RERE: variants seen among roughly 807,000 people sequenced by gnomAD.
RERE encodes the protein arginine-glutamic acid dipeptide repeats.
A neutral mutation model predicts 146.1 loss-of-function variants in RERE; 40 were observed. That is an observed-to-expected ratio of 0.27 (90% CI 0.21 to 0.36). The LOEUF (loss-of-function observed/expected upper bound fraction) is 0.36. Ranked by LOEUF, RERE falls within the 10% of genes least tolerant of loss-of-function variation. The pLI is 1.00. For missense variants in RERE, 1,933 were observed against 2,138.7 expected (o/e 0.90, Z 1.90); for synonymous variants, 1,003 against 866.0 (o/e 1.16, Z -2.78).
chr1:8,395,800 A>C (rs1643035430), intron 12 of RERE, among the ~76,000 whole-genome samples: 1 of 152,188 alleles, frequency 6.6e-6, no homozygotes, highest in Admixed American at 6.5e-5. Flanking sequence ...GAAGGCCTGC[A>C]GTGGGGGCAC....
chr1:8,385,994 ATAT>A (rs1481814650), intron 12 of RERE, among the ~76,000 whole-genome samples: 78 of 22,156 alleles, frequency 3.5e-3, no homozygotes, highest in East Asian at 0.014. Flanking sequence ...AAAAAAAAAA[ATAT>A]ATATATATAT....
At chr1:8,421,017 CACTA>C (rs1643902912) in intron 12 of RERE, among the ~76,000 whole-genome samples, 1 of 152,218 alleles carries the variant, frequency 6.6e-6, no homozygotes, top group African/African-American at 2.4e-5. Context: ...GGAGATAAAA[CACTA>C]AGTAAAATTA....
chr1:8,423,967 C>G lies in RERE; in HGVS notation c.1204-1160G>C, dbSNP rs1570208351. On this transcript the variant is annotated intron_variant, in intron 11 of 22. Transcript: ENST00000400908. This position sits in a 1 kb window ranked among gnomAD's most constrained non-coding sequence, Gnocchi z 5.4. ...GGCGCTGGAATCTGTGTCCTCCTTCCGGACAGGAGAACATCAAGGCGGTAA... is the reference window on the plus strand; with the variant it reads ...GGCGCTGGAATCTGTGTCCTCCTTCGGGACAGGAGAACATCAAGGCGGTAA... 6.6e-6 allele frequency: 1 copy of G among 151,690 alleles called. No individual in the cohort carries two copies. The highest frequency in any genetic ancestry group is 1.5e-5 in the Non-Finnish European group (1 of 67,862). 9.4% of individuals were successfully genotyped at this position (151,690 alleles called of 1,614,324 possible).
chr1:8,495,311 T>TA, intron 9 of RERE, 149 bp from the exon 10 acceptor site: 2 of 495,834 alleles, frequency 4.0e-6, no homozygotes, highest in Non-Finnish European at 7.3e-6. Flanking sequence ...CCTCTGCTCC[T>TA]ATTTTTTTTT....
intron 4 of RERE, among the ~76,000 whole-genome samples, chr1:8,586,763 T>C (rs1273536448): frequency 6.7e-6 from 1 of 149,620 alleles, no homozygotes; most frequent in East Asian, 2.0e-4. Context: ...AAAGACAAAA[T>C]AGCATCCAAA....
chr1:8,390,091 C>G (rs1309695196), intron 12 of RERE, among the ~76,000 whole-genome samples: 4 of 152,098 alleles, frequency 2.6e-5, no homozygotes. Flanking sequence ...AAAGGAAAAC[C>G]AATACCAGAC....
At position 8,371,962 on chromosome 1, in the gene RERE, T is replaced by C. The variant is rs145441014; in HGVS notation, c.1285-5988A>G. Among the ~76,000 whole-genome samples the C allele has an allele frequency of 5.1e-3, 772 of 152,334 alleles. 2 individuals are homozygous for C. The highest frequency in any genetic ancestry group is 0.01 in the Middle Eastern group (3 of 294). ...TCCCAGGCTTTCCAACAGGCCAACT[T>C]ACCTGTGCGCATTTGGTAAACTAAA... On this transcript the variant is annotated intron_variant, in intron 12 of 22. Coordinates refer to ENST00000400908, the MANE Select transcript of RERE (RefSeq NM_001042681.2).
chr1:8,786,485 C>A, intron 1 of RERE: 1 of 855,820 alleles, frequency 1.2e-6, no homozygotes, highest in Admixed American at 1.7e-5. Flanking sequence ...TAGATTAGTT[C>A]ATTTACTGAC....
intron 6 of RERE, among the ~76,000 whole-genome samples, chr1:8,545,383 C>T (rs1158421139): frequency 6.6e-6 from 1 of 152,128 alleles, no homozygotes. Context: ...TTCTGGCTAC[C>T]AAGAGGAGGT....
In RERE at chr1:8,702,563, G is replaced by GAA. The variant is rs1252645759; in HGVS notation, c.-144-46124_-144-46123dup. On this transcript the variant is annotated intron_variant, in intron 1 of 22. Transcript: ENST00000400908. ...AAATAACAGTAGTTCGGTCCAAGAA[G>GAA]AAAATTTCATTTGTCACTTAAGTAG... Among the ~76,000 whole-genome samples the GAA allele has an allele frequency of 9.9e-5, 15 of 152,226 alleles. No individual in the cohort carries two copies. In the East Asian group the frequency reaches 2.9e-3, roughly 29 times the overall value.
intron 1 of RERE, among the ~76,000 whole-genome samples, chr1:8,708,464 A>T (rs1402579591): frequency 3.3e-5 from 5 of 151,994 alleles, no homozygotes; most frequent in Non-Finnish European, 7.4e-5. Context: ...GTAGCTGGGG[A>T]CTACAGGTGT....
At chr1:8,410,893 C>A (rs1643596730) in intron 12 of RERE, among the ~76,000 whole-genome samples, 1 of 152,198 alleles carries the variant, frequency 6.6e-6, no homozygotes, top group Admixed American at 6.5e-5. Flanking sequence ...TTTTTCTCCC[C>A]ATGCTCAATA....
intron 1 of RERE, among the ~76,000 whole-genome samples, chr1:8,728,302 C>A (rs1640011914): frequency 6.6e-6 from 1 of 152,180 alleles, no homozygotes. Flanking sequence ...CTATAACACA[C>A]CATAACTTGA....
intron 6 of RERE, among the ~76,000 whole-genome samples, chr1:8,553,017 A>G (rs1389866708): frequency 1.3e-5 from 2 of 150,730 alleles, no homozygotes; most frequent in Non-Finnish European, 3.0e-5. Context: ...TGTGTGCAAC[A>G]CTGCACCACT....
chr1:8,366,101 G>T, intron 12 of RERE, 127 bp from the exon 13 acceptor site: 1 of 997,346 alleles, frequency 1.0e-6, no homozygotes, highest in Non-Finnish European at 1.5e-6. Flanking sequence ...AAGACCAGTC[G>T]CTCCTGGAGT....
At chr1:8,698,838 T>C (rs188444998) in intron 1 of RERE, among the ~76,000 whole-genome samples, 3 of 152,278 alleles carry the variant, frequency 2.0e-5, no homozygotes, top group South Asian at 2.1e-4. Context: ...ACTTTTATAA[T>C]GATCTCCCAT....
At chr1:8,749,250 G>C (rs1373466783) in intron 1 of RERE, among the ~76,000 whole-genome samples, 1 of 152,170 alleles carries the variant, frequency 6.6e-6, no homozygotes, top group African/African-American at 2.4e-5. Flanking sequence ...AGAGATATGT[G>C]AAGGAGATCA....
rs766817514 is a variant in RERE, at chr1:8,362,677, C to T, written c.1902+6G>A. 2 of 1,614,120 alleles carry T rather than the reference C, an allele frequency of 1.2e-6. No homozygotes were observed. Among genetic ancestry groups the T allele is most frequent in the South Asian group, 1.1e-5 (1 of 91,088 alleles). On this transcript the variant is annotated splice_donor_region_variant and intron_variant, in intron 16 of 22. Coordinates refer to ENST00000400908, the MANE Select transcript of RERE (RefSeq NM_001042681.2). ...AGTAGGCCCTACTATCCCCCCAGCA[C>T]CTGACCTTGGCCGACTTCTTCACTG...
chr1:8,378,734 G>A (rs973615887), intron 12 of RERE, among the ~76,000 whole-genome samples: 3 of 152,142 alleles, frequency 2.0e-5, no homozygotes, highest in African/African-American at 4.8e-5. Context: ...CCCAGTCTAC[G>A]GTATTCTGTC....
Sources: allele counts gnomAD v4.1 joint callset (sites outside exome capture counted in the v4.1 genomes callset), GRCh38; gene constraint gnomAD v4.1.1; non-coding constraint Gnocchi (gnomAD v3.1); transcripts MANE v1.5; gene names NCBI Gene and HGNC (gene_info 2026-07-23, HGNC 2026-07-21).